The following ATG7 variants were observed in gnomAD, a reference collection of about 807,000 sequenced individuals.
The protein encoded by ATG7 is ubiquitin-like modifier-activating enzyme ATG7.
A neutral mutation model predicts 82.4 loss-of-function variants in ATG7; 70 were observed. The observed-to-expected ratio is 0.85, with a 90% CI of 0.70 to 1.04. The LOEUF is 1.04. ATG7 is among the 50% of genes least tolerant of loss of function. The pLI is 0.00. For missense variants in ATG7, 792 were observed against 864.3 expected, an observed-to-expected ratio of 0.92 and a Z score of 1.05; for synonymous variants, 287 against 313.0, an observed-to-expected ratio of 0.92 and a Z score of 0.88.
intron 3 of ATG7, among the ~76,000 whole-genome samples, chr3:11,296,113 A>G (rs1053704310): frequency 1.3e-5 from 2 of 152,148 alleles, no homozygotes; most frequent in African/African-American, 4.8e-5. Flanking sequence ...CTAACTGCGG[A>G]CATTCTCTAG....
the ATG7 span, among the ~76,000 whole-genome samples, chr3:11,565,312 C>T: frequency 2.0e-5 from 3 of 152,122 alleles, no homozygotes; most frequent in African/African-American, 7.2e-5. This position sits in a 1 kb window ranked among gnomAD's most constrained non-coding sequence, Gnocchi z 4.1. Context: ...TAATAATCTC[C>T]ACTCCCTGGG....
At chr3:11,310,248 A>G (rs1948436956) in intron 7 of ATG7, among the ~76,000 whole-genome samples, 1 of 152,204 alleles carries the variant, frequency 6.6e-6, no homozygotes, top group South Asian at 2.1e-4. Context: ...TTACTTCTTT[A>G]GAATAAGTTC....
At position 11,379,998 on chromosome 3, in the gene ATG7, T is replaced by C. The variant is rs759215498; in HGVS notation, c.1902T>C (p.Asp634=). ...TCCGGGGATTTCTTTCACGGTTTGA[T>C]AATGTCCTTCCCGTCAGCCTGGCAT... ...HQIRGFLSRF[D]NVLPVSLAFD... is the part of the protein sequence containing the mutation. Residue 634 remains aspartate, a synonymous_variant, in exon 19 of 21, where the codon GAT becomes GAC. Coordinates refer to ENST00000693202, the MANE Select transcript of ATG7 (RefSeq NM_001349232.2). 6.2e-7 allele frequency: 1 copy of C among 1,614,220 alleles called. No homozygotes were observed. The highest frequency in any genetic ancestry group is 8.5e-7 in the Non-Finnish European group (1 of 1,180,038).
At chr3:11,404,345 A>T (rs2080129235) in intron 19 of ATG7, among the ~76,000 whole-genome samples, 1 of 151,852 alleles carries the variant, frequency 6.6e-6, no homozygotes, top group African/African-American at 2.4e-5. Flanking sequence ...CATATTGGCC[A>T]GGCTGGTCAT....
At chr3:11,565,965 G>A in the ATG7 span, among the ~76,000 whole-genome samples, 8 of 152,006 alleles carry the variant, frequency 5.3e-5, no homozygotes, top group South Asian at 2.1e-4. The surrounding 1 kb of genome is among the most constrained non-coding windows in gnomAD (Gnocchi z 4.1). Context: ...ACCTTTTTCC[G>A]TAACTCATGA....
At chr3:11,561,107 G>T (rs1003135828), downstream of ATG7, among the ~76,000 whole-genome samples, 7 of 150,402 alleles carry the variant, frequency 4.7e-5, no homozygotes, top group African/African-American at 1.7e-4. Context: ...CTGCACCCAT[G>T]ACCTTGGGCT....
intron 20 of ATG7, among the ~76,000 whole-genome samples, chr3:11,500,792 A>G (rs781091076): frequency 1.3e-5 from 2 of 152,046 alleles, no homozygotes; most frequent in Non-Finnish European, 2.9e-5. Context: ...CACCACACCC[A>G]GCTAATTTTT....
At chr3:11,511,181 G>C (rs570810648) in intron 20 of ATG7, among the ~76,000 whole-genome samples, 2 of 152,288 alleles carry the variant, frequency 1.3e-5, no homozygotes, top group South Asian at 2.1e-4. Context: ...GGACCTGAGC[G>C]GGTTGCCAAT....
chr3:11,379,935 T>G (rs1559503775), intron 18 of ATG7, 37 bp from the exon 19 acceptor site: 4 of 1,581,536 alleles, frequency 2.5e-6, no homozygotes, highest in Non-Finnish European at 3.5e-6. Flanking sequence ...GGTCGTTGTG[T>G]GTTTGATGTG....
downstream of ATG7, chr3:11,558,884 A>G: frequency 6.3e-7 from 1 of 1,582,354 alleles, no homozygotes; most frequent in South Asian, 1.1e-5. Context: ...ACAGACAGGC[A>G]CGGTTGCAGC....
In ATG7 at chr3:11,361,075, C is replaced by T. The variant is rs142583996; in HGVS notation, c.1683+291C>T. On this transcript the variant is annotated intron_variant, in intron 16 of 20. Transcript: ENST00000693202. ...CCCTGATAGCACTCCGTATTGTCTC[C>T]GGTGCTTCTCTTAGTCAAGATAACA... 2.9e-3 allele frequency among the ~76,000 whole-genome samples: 448 copies of T among 152,236 alleles called. 1 individual carries two copies. Among genetic ancestry groups the T allele is most frequent in the African/African-American group, 0.01 (426 of 41,536 alleles).
intron 20 of ATG7, among the ~76,000 whole-genome samples, chr3:11,485,159 A>G (rs2089477062): frequency 6.6e-6 from 1 of 152,224 alleles, no homozygotes; most frequent in Non-Finnish European, 1.5e-5. Flanking sequence ...CAGCCCCACC[A>G]CCAGTGTAAA....
chr3:11,560,965 C>A (rs1575351340), downstream of ATG7, among the ~76,000 whole-genome samples: 1 of 152,132 alleles, frequency 6.6e-6, no homozygotes, highest in African/African-American at 2.4e-5. Context: ...AGATCTCACA[C>A]TGGCTGACCA....
intron 20 of ATG7, among the ~76,000 whole-genome samples, chr3:11,551,160 T>C (rs1000386686): frequency 6.6e-6 from 1 of 152,226 alleles, no homozygotes; most frequent in Admixed American, 6.5e-5. Context: ...TCTGTACTCG[T>C]CGTGTCCTGC....
chr3:11,384,258 C>T (rs2152856226), intron 19 of ATG7, among the ~76,000 whole-genome samples: 1 of 152,362 alleles, frequency 6.6e-6, no homozygotes, highest in African/African-American at 2.4e-5. Flanking sequence ...CTATTACTCA[C>T]AACCTTCTTG....
Position 11,364,714 on chromosome 3 carries a change from C to CT in ATG7, c.1857dup (p.Gly620TrpfsTer15). On this transcript the variant is annotated frameshift_variant, in exon 18 of 21. Transcript: ENST00000693202. LOFTEE classifies it high-confidence loss of function. ...TCGGATGAATGAGCCTCCAACCTCT[C>CT]TTGGGCTTGTGCCTCACCAGGTTAG... 1 of 1,614,192 alleles carries CT rather than the reference C, an allele frequency of 6.2e-7. No homozygotes were observed. Among genetic ancestry groups the CT allele is most frequent in the Non-Finnish European group, 8.5e-7 (1 of 1,180,022 alleles).
At chr3:11,336,185 C>T (rs1005786330) in intron 11 of ATG7, among the ~76,000 whole-genome samples, 1 of 123,564 alleles carries the variant, frequency 8.1e-6, no homozygotes, top group Non-Finnish European at 1.7e-5. Flanking sequence ...AGGTACACGC[C>T]GCCACACATG....
At chr3:11,472,273 T>G (rs959985610) in intron 20 of ATG7, among the ~76,000 whole-genome samples, 5 of 152,164 alleles carry the variant, frequency 3.3e-5, no homozygotes, top group African/African-American at 1.2e-4. Flanking sequence ...TCGCTTCATT[T>G]TTAGGCAGGC....
chr3:11,522,499 C>T (rs1209985134), intron 20 of ATG7, among the ~76,000 whole-genome samples: 1 of 152,144 alleles, frequency 6.6e-6, no homozygotes, highest in African/African-American at 2.4e-5. Context: ...ATACTGTGCA[C>T]AGTTCTGCAG....
Sources: allele counts gnomAD v4.1 joint callset (sites outside exome capture counted in the v4.1 genomes callset), GRCh38; gene constraint gnomAD v4.1.1; non-coding constraint Gnocchi (gnomAD v3.1); transcripts MANE v1.5; gene names NCBI Gene and HGNC (gene_info 2026-07-23, HGNC 2026-07-21).